Variants in KIAA1328 observed in about 807,000 individuals in gnomAD.
The protein encoded by KIAA1328 is protein hinderin.
In KIAA1328, 52 loss-of-function variants were observed where a neutral mutation model predicts 68.1. The ratio of observed to expected loss-of-function variants is 0.76; its 90% confidence interval spans 0.61 to 0.96. The LOEUF is 0.96. Among genes scored for constraint, KIAA1328 ranks in the 40% least tolerant of loss-of-function variants. The pLI is 0.00. For missense variants in KIAA1328, 641 were observed against 677.6 expected (o/e 0.95, Z 0.60); for synonymous variants, 232 against 239.4 (o/e 0.97, Z 0.28).
intron 5 of KIAA1328, among the ~76,000 whole-genome samples, chr18:36,942,890 AAT>A (rs141637035): frequency 6.6e-6 from 1 of 152,324 alleles, no homozygotes; most frequent in African/African-American, 2.4e-5. Context: ...GTTAATTTAA[AAT>A]TTCTCTACCA....
At chr18:37,092,219 C>T (rs185950095) in intron 7 of KIAA1328, among the ~76,000 whole-genome samples, 1 of 152,082 alleles carries the variant, frequency 6.6e-6, no homozygotes, top group Admixed American at 6.5e-5. Flanking sequence ...CTGCTGCCTA[C>T]AGCCAAGTGC....
intron 7 of KIAA1328, among the ~76,000 whole-genome samples, chr18:37,104,453 T>TA (rs1283612722): frequency 2.6e-5 from 4 of 152,174 alleles, no homozygotes; most frequent in East Asian, 1.9e-4. Context: ...ATGTGAGAGC[T>TA]AAAAAAAGTT....
At chr18:36,957,540 G>T (rs1029304452) in intron 5 of KIAA1328, among the ~76,000 whole-genome samples, 2 of 152,094 alleles carry the variant, frequency 1.3e-5, no homozygotes, top group Non-Finnish European at 2.9e-5. Context: ...GTGAGAGAGG[G>T]TACCCCAGGT....
At chr18:36,831,176 C>G (rs2046478484) in intron 1 of KIAA1328, among the ~76,000 whole-genome samples, 1 of 152,144 alleles carries the variant, frequency 6.6e-6, no homozygotes, top group Non-Finnish European at 1.5e-5. Context: ...ATCTGGTATT[C>G]TTTTCACACT....
chr18:37,178,004 GA>G (rs1386278004), intron 9 of KIAA1328, among the ~76,000 whole-genome samples: 8 of 151,902 alleles, frequency 5.3e-5, no homozygotes, highest in African/African-American at 1.9e-4. Flanking sequence ...TAGTTATTTT[GA>G]AATACATTAG....
chr18:36,940,880 T>C (rs1021054939), intron 5 of KIAA1328, among the ~76,000 whole-genome samples: 1 of 152,120 alleles, frequency 6.6e-6, no homozygotes, highest in Non-Finnish European at 1.5e-5. Flanking sequence ...TTCACCATGT[T>C]AGCCAGGATG....
chr18:36,829,353 C>T (rs1417688191), intron 1 of KIAA1328, 157 bp downstream of exon 1: 10 of 1,382,904 alleles, frequency 7.2e-6, no homozygotes, highest in African/African-American at 6.1e-5. Flanking sequence ...TGGGCTCTCC[C>T]CTTGCTTGGG....
At chr18:37,128,930 C>A (rs1200685840) in intron 7 of KIAA1328, among the ~76,000 whole-genome samples, 2 of 152,076 alleles carry the variant, frequency 1.3e-5, no homozygotes, top group African/African-American at 4.8e-5. Flanking sequence ...TGGTATGATC[C>A]ATTTATTGGC....
chr18:37,031,018 T>A (rs1230204199), intron 6 of KIAA1328, among the ~76,000 whole-genome samples: 1 of 152,202 alleles, frequency 6.6e-6, no homozygotes, highest in Non-Finnish European at 1.5e-5. Flanking sequence ...GAACTCATCA[T>A]TTTTTATGGC....
At chr18:36,894,200 A>G (rs182801115) in intron 5 of KIAA1328, among the ~76,000 whole-genome samples, 2 of 152,314 alleles carry the variant, frequency 1.3e-5, no homozygotes, top group East Asian at 1.9e-4. Context: ...AATAAGCCTT[A>G]CTTTTTAAAG....
intron 7 of KIAA1328, among the ~76,000 whole-genome samples, chr18:37,158,209 AT>A (rs971147148): frequency 4.0e-5 from 6 of 151,512 alleles, no homozygotes; most frequent in African/African-American, 1.5e-4. Flanking sequence ...ATTTAAAACA[AT>A]TTTTTTTCTT....
intron 9 of KIAA1328, 79 bp from the exon 10 acceptor site, chr18:37,221,938 A>G (rs1008619499): frequency 7.3e-7 from 1 of 1,373,966 alleles, no homozygotes; most frequent in African/African-American, 1.4e-5. Flanking sequence ...TGCCCTGGAC[A>G]GCCCATTTCT....
intron 5 of KIAA1328, among the ~76,000 whole-genome samples, chr18:36,957,709 A>G (rs909006500): frequency 1.3e-5 from 2 of 152,198 alleles, no homozygotes; most frequent in Admixed American, 6.5e-5. Context: ...TATGTTTAAT[A>G]TAGTTAGGAA....
At chr18:36,891,781 G>A (rs1364882478) in intron 5 of KIAA1328, among the ~76,000 whole-genome samples, 1 of 152,142 alleles carries the variant, frequency 6.6e-6, no homozygotes, top group African/African-American at 2.4e-5. Context: ...ATGTGCATGT[G>A]TCCTTTTCAT....
chr18:36,890,468 C>T (rs2048647602), intron 5 of KIAA1328, among the ~76,000 whole-genome samples: 1 of 151,986 alleles, frequency 6.6e-6, no homozygotes. Context: ...GTTAGGAGTT[C>T]GAGACCAGCC....
Position 36,844,289 on chromosome 18 carries a change from A to G in KIAA1328, c.319A>G (p.Lys107Glu). ...EDKRRIANLI[K>E]ELARVSEEKE... ...CAAAAGACGCATTGCAAACTTAATTAAAGAACTGGCCAGGTGAGATAAAAC... is the reference window on the plus strand; with the variant it reads ...CAAAAGACGCATTGCAAACTTAATTGAAGAACTGGCCAGGTGAGATAAAAC... Residue 107 changes from lysine to glutamate, a missense_variant, in exon 4 of 10, where the codon AAA becomes GAA. By Grantham distance (56) the Lys-to-Glu change is moderately conservative (BLOSUM62 1). Coordinates refer to ENST00000280020, the MANE Select transcript of KIAA1328 (RefSeq NM_020776.3). 1 of 1,600,740 alleles carries G rather than the reference A, an allele frequency of 6.2e-7. No homozygotes were observed. Among genetic ancestry groups the G allele is most frequent in the South Asian group, 1.1e-5 (1 of 88,674 alleles).
intron 6 of KIAA1328, among the ~76,000 whole-genome samples, chr18:37,057,520 C>T (rs1028023316): frequency 4.6e-5 from 7 of 151,712 alleles, no homozygotes; most frequent in African/African-American, 1.2e-4. Context: ...CTCCGCCTCC[C>T]GAGTTCACAC....
chr18:36,960,109 A>T (rs911688358), intron 6 of KIAA1328, among the ~76,000 whole-genome samples: 1 of 152,142 alleles, frequency 6.6e-6, no homozygotes, highest in African/African-American at 2.4e-5. Context: ...CCACCCAAAT[A>T]CTGGGCTTTT....
chr18:36,907,132 T>C (rs2049252005), intron 5 of KIAA1328, among the ~76,000 whole-genome samples: 1 of 152,132 alleles, frequency 6.6e-6, no homozygotes, highest in Admixed American at 6.6e-5. Flanking sequence ...TTTTCTATGT[T>C]GATCTTGTGT....
Sources: allele counts gnomAD v4.1 joint callset (sites outside exome capture counted in the v4.1 genomes callset), GRCh38; gene constraint gnomAD v4.1.1; transcripts MANE v1.5; gene names NCBI Gene and HGNC (gene_info 2026-07-23, HGNC 2026-07-21).